The following MIGA1 variants were observed in gnomAD, a reference collection of about 807,000 sequenced individuals.
MIGA1 encodes the protein mitoguardin 1.
Under a neutral mutation model 82.0 loss-of-function variants are expected in MIGA1, and 58 were observed. That is an observed-to-expected ratio of 0.71 (90% CI 0.57 to 0.88). The LOEUF (loss-of-function observed/expected upper bound fraction) is 0.88, where lower values mean the gene tolerates loss of function less well. MIGA1 is among the 40% of genes least tolerant of loss of function. The pLI is 0.00. For synonymous variants in MIGA1, 249 were observed against 253.6 expected (o/e 0.98, Z 0.17); for missense variants, 751 against 749.1 (o/e 1.00, Z -0.03).
intron 2 of MIGA1, among the ~76,000 whole-genome samples, chr1:77,799,655 T>C (rs1682793819): frequency 6.6e-6 from 1 of 152,212 alleles, no homozygotes; most frequent in Admixed American, 6.5e-5. Context: ...TTTAACTGCT[T>C]GTGTTACCTG....
At chr1:77,822,581 A>G (rs941317003) in intron 7 of MIGA1, among the ~76,000 whole-genome samples, 1 of 152,202 alleles carries the variant, frequency 6.6e-6, no homozygotes, top group Non-Finnish European at 1.5e-5. Context: ...AGTTTTTTGC[A>G]GCTAGGGATT....
intron 2 of MIGA1, among the ~76,000 whole-genome samples, chr1:77,791,254 A>C (rs972250629): frequency 6.7e-6 from 1 of 150,164 alleles, no homozygotes; most frequent in East Asian, 1.9e-4. Flanking sequence ...AAAAAAAAAA[A>C]AAAAAAAAAA....
chr1:77,848,375 A>T, intron 8 of MIGA1: 1 of 1,102,970 alleles, frequency 9.1e-7, no homozygotes, highest in Middle Eastern at 2.2e-4. Flanking sequence ...AGAAAAGCAA[A>T]GCAAAGGAAG....
intron 7 of MIGA1, among the ~76,000 whole-genome samples, chr1:77,839,732 A>G (rs1684560989): frequency 6.6e-6 from 1 of 151,954 alleles, no homozygotes; most frequent in African/African-American, 2.4e-5. Context: ...TCGAGTTGAT[A>G]AAACTTTTTA....
chr1:77,849,101 C>T (rs1314866644), intron 8 of MIGA1, among the ~76,000 whole-genome samples: 1 of 152,152 alleles, frequency 6.6e-6, no homozygotes, highest in South Asian at 2.1e-4. Flanking sequence ...CCACTACAAC[C>T]ATTAAAAAAT....
intron 12 of MIGA1, among the ~76,000 whole-genome samples, chr1:77,863,216 CTCTT>C (rs1290414942): frequency 1.3e-5 from 2 of 152,148 alleles, no homozygotes; most frequent in East Asian, 3.8e-4. Context: ...CGACTTTTCT[CTCTT>C]TCTGTCACCC....
rs577240302 is a variant in MIGA1, at chr1:77,858,239, C to T, written c.997-699C>T. ...GTGCATGCCTGTAATCCCAACTACT[C>T]TGGAGGCTGAGGCAGGAGAATCGCT... On this transcript the variant is annotated intron_variant, in intron 8 of 15. Transcript: ENST00000370791. 2.0e-5 allele frequency among the ~76,000 whole-genome samples: 3 copies of T among 151,968 alleles called. No individual in the cohort carries two copies. In the South Asian group the frequency reaches 6.2e-4, roughly 32 times the overall value.
intron 7 of MIGA1, among the ~76,000 whole-genome samples, chr1:77,828,866 G>C (rs1259704229): frequency 6.6e-6 from 1 of 152,016 alleles, no homozygotes; most frequent in African/African-American, 2.4e-5. Flanking sequence ...TGTAGACATG[G>C]GAGTCTTCCT....
intron 7 of MIGA1, among the ~76,000 whole-genome samples, chr1:77,834,269 A>T (rs1202297417): frequency 1.3e-5 from 2 of 152,060 alleles, no homozygotes; most frequent in African/African-American, 4.8e-5. Context: ...TCAAACTCCT[A>T]GGCTCAAGTG....
At chr1:77,824,033 A>G (rs1331597700) in intron 7 of MIGA1, among the ~76,000 whole-genome samples, 1 of 152,232 alleles carries the variant, frequency 6.6e-6, no homozygotes, top group African/African-American at 2.4e-5. Flanking sequence ...CTATTCCGTA[A>G]CATTGCCATC....
At chr1:77,781,914 A>G (rs1052200166) in intron 1 of MIGA1, among the ~76,000 whole-genome samples, 5 of 152,196 alleles carry the variant, frequency 3.3e-5, no homozygotes, top group African/African-American at 1.2e-4. Flanking sequence ...AGAAGGGGAT[A>G]GTCTATTGGA....
At position 77,859,401 on chromosome 1, in the gene MIGA1, T is replaced by C; in HGVS notation, c.1188+15T>C. ...AGGCTTTTCAGGTATTTTTTTAACA[T>C]TAAGTGACTTCACCCAGCCACTCAT... On this transcript the variant is annotated intron_variant, in intron 10 of 15. Coordinates refer to ENST00000370791, the MANE Select transcript of MIGA1 (RefSeq NM_198549.4). 1 of 1,599,508 alleles carries C rather than the reference T, an allele frequency of 6.3e-7. No individual in the cohort carries two copies. The highest frequency in any genetic ancestry group is 1.1e-5 in the South Asian group (1 of 90,788).
chr1:77,846,883 C>T (rs762931774), intron 8 of MIGA1, among the ~76,000 whole-genome samples: 6 of 151,994 alleles, frequency 3.9e-5, no homozygotes, highest in Admixed American at 3.9e-4. Flanking sequence ...GGAGGTGGAG[C>T]TTGCAATGAA....
intron 14 of MIGA1, among the ~76,000 whole-genome samples, chr1:77,868,843 CA>C (rs1189460856): frequency 6.6e-6 from 1 of 151,914 alleles, no homozygotes; most frequent in Non-Finnish European, 1.5e-5. Flanking sequence ...TCACTTTTCA[CA>C]TGTTTAAAAT....
chr1:77,830,585 C>G (rs902642926), intron 7 of MIGA1, among the ~76,000 whole-genome samples: 1 of 152,012 alleles, frequency 6.6e-6, no homozygotes, highest in South Asian at 2.1e-4. Flanking sequence ...CTTCCGCACC[C>G]CCCTCCCCGC....
intron 4 of MIGA1, among the ~76,000 whole-genome samples, chr1:77,805,113 G>A (rs927885628): frequency 9.3e-5 from 14 of 150,812 alleles, no homozygotes; most frequent in Admixed American, 1.3e-4. Context: ...TCCTGGCTCA[G>A]CCTCCCGAGT....
intron 2 of MIGA1, among the ~76,000 whole-genome samples, chr1:77,795,882 C>T (rs1682634054): frequency 6.6e-6 from 1 of 151,964 alleles, no homozygotes; most frequent in African/African-American, 2.4e-5. Flanking sequence ...TATCCACCCG[C>T]CTCAGCCTCC....
intron 7 of MIGA1, among the ~76,000 whole-genome samples, chr1:77,824,804 A>C (rs1453247282): frequency 6.6e-6 from 1 of 152,124 alleles, no homozygotes; most frequent in Non-Finnish European, 1.5e-5. Flanking sequence ...TGTTTTAAGG[A>C]ATGAATTCCA....
At chr1:77,796,120 T>G (rs2101730178) in intron 2 of MIGA1, among the ~76,000 whole-genome samples, 1 of 151,310 alleles carries the variant, frequency 6.6e-6, no homozygotes, top group South Asian at 2.1e-4. Context: ...AAATTCAACT[T>G]AATTTTTTTT....
Sources: gnomAD v4.1 joint callset for allele counts (sites outside exome capture counted in the v4.1 genomes callset) on GRCh38, gnomAD v4.1.1 for gene constraint, MANE v1.5 for transcripts, NCBI Gene and HGNC (gene_info 2026-07-23, HGNC 2026-07-21) for gene names.